The following ST14 variants were observed in gnomAD, a reference collection of about 807,000 sequenced individuals.
ST14 encodes suppressor of tumorigenicity 14 protein.
A neutral mutation model predicts 96.5 loss-of-function variants in ST14; 40 were observed. That is an observed-to-expected ratio of 0.41 (90% CI 0.32 to 0.54). The LOEUF is 0.54. Among genes scored for constraint, ST14 ranks in the 20% least tolerant of loss-of-function variants. The probability of loss-of-function intolerance (pLI) is 0.17; values close to 1 mark genes in which losing one functional copy is unlikely to be tolerated. For synonymous variants in ST14, 506 were observed against 492.1 expected (o/e 1.03, Z -0.37); for missense variants, 1,066 against 1,188.9 (o/e 0.90, Z 1.52).
At chr11:130,192,513 C>G (rs932097780) in intron 7 of ST14, among the ~76,000 whole-genome samples, 1 of 152,164 alleles carries the variant, frequency 6.6e-6, no homozygotes, top group Non-Finnish European at 1.5e-5. Context: ...TTCATCCTCT[C>G]GAGCAGCTGG....
chr11:130,196,826 C>G (rs1246068828), intron 11 of ST14, 126 bp downstream of exon 11: 1 of 1,433,296 alleles, frequency 7.0e-7, no homozygotes, highest in African/African-American at 1.4e-5. Context: ...GCATCTCACC[C>G]CTCCCGTAGC....
intron 1 of ST14, among the ~76,000 whole-genome samples, chr11:130,161,696 C>A (rs182567886): frequency 6.6e-6 from 1 of 152,216 alleles, no homozygotes; most frequent in Non-Finnish European, 1.5e-5. Context: ...TTGCTCTCTG[C>A]GCCCTTGGGC....
In ST14 at chr11:130,210,157, A is replaced by G. The variant is rs555843063; in HGVS notation, c.*334A>G. 1.6e-4 allele frequency: 43 copies of G among 265,760 alleles called. 1 individual carries two copies. In the South Asian group the frequency reaches 2.5e-3, roughly 15 times the overall value. The allele number at this position is 265,760 out of a possible 1,614,324, so 16.5% of individuals were successfully genotyped here. ...TCCCCTGTCTCTAAGGAGCAGCGGG[A>G]ACGGAGCTTCGGGGCCTCCTCAGTG... is the stretch of plus-strand genomic sequence containing the variant. On this transcript the variant is annotated 3_prime_UTR_variant, in exon 19 of 19. Transcript: ENST00000278742.
At chr11:130,161,140 G>A (rs142524601) in intron 1 of ST14, among the ~76,000 whole-genome samples, 4 of 152,314 alleles carry the variant, frequency 2.6e-5, no homozygotes, top group African/African-American at 9.6e-5. Context: ...CAGAAAATCA[G>A]ACGCTGGGGC....
intron 16 of ST14, among the ~76,000 whole-genome samples, chr11:130,200,768 G>A (rs1441574844): frequency 6.6e-6 from 1 of 152,230 alleles, no homozygotes; most frequent in Non-Finnish European, 1.5e-5. Flanking sequence ...AAGTTAGGCA[G>A]CTTGATTGTA....
Position 130,196,678 on chromosome 11 carries a change from C to T in ST14, c.1332C>T (p.Tyr444=). The change falls in exon 11 of 19, where the codon TAC becomes TAT. Residue 444 remains tyrosine (Y), a synonymous_variant. Transcript: ENST00000278742. ...CCGACACCGGCTTCTTAGCTGAATA[C>T]CTCTCCTACGACTCCAGTGACCGTG... The part of the protein sequence containing the change: ...SYTDTGFLAE[Y]LSYDSSDPCP... The T allele has an allele frequency of 6.2e-7, 1 of 1,614,224 alleles. No homozygotes were observed. The highest frequency in any genetic ancestry group is 1.1e-5 in the South Asian group (1 of 91,080).
chr11:130,169,820 TAA>T (rs1953074051), intron 1 of ST14, among the ~76,000 whole-genome samples: 1 of 152,188 alleles, frequency 6.6e-6, no homozygotes, highest in South Asian at 2.1e-4. Context: ...GTGGATTTAA[TAA>T]AAAGTCAAGA....
At chr11:130,176,278 G>A (rs1953136869) in intron 1 of ST14, among the ~76,000 whole-genome samples, 1 of 151,794 alleles carries the variant, frequency 6.6e-6, no homozygotes, top group Admixed American at 6.6e-5. Flanking sequence ...CCACCCCAAG[G>A]GTCATTGTAA....
chr11:130,170,016 C>A (rs958989104), intron 1 of ST14, among the ~76,000 whole-genome samples: 1 of 152,058 alleles, frequency 6.6e-6, no homozygotes. Flanking sequence ...AAGGAGAGGG[C>A]TGGTGCAAAC....
Position 130,187,427 on chromosome 11 carries a change from G to C in ST14, c.82-687G>C, listed in dbSNP as rs1422087126. 6.6e-6 allele frequency among the ~76,000 whole-genome samples: 1 copy of C among 152,190 alleles called. No individual in the cohort carries two copies. Among genetic ancestry groups the C allele is most frequent in the Non-Finnish European group, 1.5e-5 (1 of 68,036 alleles). ...GGTTTGCTTGCTTTTCCCTCTGTTG[G>C]GGCTGCGCGTGGGTGTGGATTCCCA... On this transcript the variant is annotated intron_variant, in intron 1 of 18. Transcript: ENST00000278742. The surrounding 1 kb of genome is among the most constrained non-coding windows in gnomAD (Gnocchi z 4.5).
intron 7 of ST14, among the ~76,000 whole-genome samples, chr11:130,193,762 G>A (rs181093200): frequency 6.6e-6 from 1 of 152,194 alleles, no homozygotes; most frequent in African/African-American, 2.4e-5. Context: ...GAGCCACTGC[G>A]CCCGGCTGGG....
At chr11:130,166,139 C>G (rs1159092931) in intron 1 of ST14, among the ~76,000 whole-genome samples, 1 of 152,212 alleles carries the variant, frequency 6.6e-6, no homozygotes, top group African/African-American at 2.4e-5. Flanking sequence ...TTTCAACATG[C>G]TTTACATAGA....
chr11:130,162,552 G>A, intron 1 of ST14, among the ~76,000 whole-genome samples: 1 of 152,138 alleles, frequency 6.6e-6, no homozygotes, highest in Non-Finnish European at 1.5e-5. Context: ...TAGGGGCCAG[G>A]GTGTACACCT....
intron 1 of ST14, among the ~76,000 whole-genome samples, chr11:130,165,789 C>T (rs568185954): frequency 2.6e-5 from 4 of 152,188 alleles, no homozygotes; most frequent in Non-Finnish European, 5.9e-5. Flanking sequence ...GGAAAGAATG[C>T]CCAGTTCACA....
At chr11:130,186,076 G>A (rs1406893852) in intron 1 of ST14, among the ~76,000 whole-genome samples, 1 of 152,156 alleles carries the variant, frequency 6.6e-6, no homozygotes, top group East Asian at 1.9e-4. Context: ...CCAAAGTGCT[G>A]GGATTATAGG....
chr11:130,209,348 A>G, intron 17 of ST14, 94 bp from the exon 18 acceptor site: 3 of 1,515,818 alleles, frequency 2.0e-6, no homozygotes, highest in Admixed American at 2.0e-5. Flanking sequence ...GGGCTGTTCC[A>G]GAGTTTTCTA....
At chr11:130,209,346 C>A in intron 17 of ST14, 96 bp from the exon 18 acceptor site, 1 of 1,511,432 alleles carries the variant, frequency 6.6e-7, no homozygotes, top group Non-Finnish European at 8.9e-7. Flanking sequence ...CTGGGCTGTT[C>A]CAGAGTTTTC....
intron 1 of ST14, among the ~76,000 whole-genome samples, chr11:130,165,722 C>T (rs1271592684): frequency 6.6e-6 from 1 of 152,172 alleles, no homozygotes; most frequent in African/African-American, 2.4e-5. Flanking sequence ...CTACCTTTCA[C>T]TAAATATCTG....
At chr11:130,163,886 C>T (rs1398645281) in intron 1 of ST14, among the ~76,000 whole-genome samples, 1 of 152,214 alleles carries the variant, frequency 6.6e-6, no homozygotes, top group Non-Finnish European at 1.5e-5. Context: ...AGCCGACTTG[C>T]TGGCCTGTTG....
Sources: allele counts gnomAD v4.1 joint callset (sites outside exome capture counted in the v4.1 genomes callset), GRCh38; gene constraint gnomAD v4.1.1; non-coding constraint Gnocchi (gnomAD v3.1); transcripts MANE v1.5; gene names NCBI Gene and HGNC (gene_info 2026-07-23, HGNC 2026-07-21).